The following CEP112 variants were observed in gnomAD, a reference collection of about 807,000 sequenced individuals.
CEP112 encodes centrosomal protein 112.
CEP112 carries 127 observed loss-of-function variants against 153.0 expected under a neutral mutation model. The observed-to-expected ratio is 0.83, with a 90% CI of 0.72 to 0.96. CEP112 has a LOEUF of 0.96. Ranked by LOEUF, CEP112 falls within the 40% of genes least tolerant of loss-of-function variation. The probability of loss-of-function intolerance (pLI) is 0.00; values close to 1 mark genes in which losing one functional copy is unlikely to be tolerated. For synonymous variants in CEP112, 358 were observed against 374.4 expected (o/e 0.96, Z 0.51); for missense variants, 1,089 against 1,101.2 (o/e 0.99, Z 0.16).
intron 20 of CEP112, chr17:65,872,944 A>G (rs2058710614): frequency 6.6e-6 from 1 of 152,200 alleles, no homozygotes; most frequent in African/African-American, 2.4e-5. Context: ...TACTAGTTGC[A>G]TGTTGTACTT....
chr17:66,126,313 AAAAT>A (rs1305060096), intron 6 of CEP112, among the ~76,000 whole-genome samples: 5 of 152,234 alleles, frequency 3.3e-5, no homozygotes, highest in Non-Finnish European at 5.9e-5. Flanking sequence ...CATTAATCGC[AAAAT>A]AAATAGAATC....
chr17:65,671,544 T>C (rs1301314195), intron 24 of CEP112, among the ~76,000 whole-genome samples: 8 of 152,170 alleles, frequency 5.3e-5, no homozygotes, highest in Admixed American at 1.3e-4. Context: ...ATCTTCTATG[T>C]GGTGAAAGTT....
At chr17:66,106,362 A>C (rs898403592) in intron 6 of CEP112, among the ~76,000 whole-genome samples, 1 of 152,056 alleles carries the variant, frequency 6.6e-6, no homozygotes, top group African/African-American at 2.4e-5. Context: ...ACAAAACAAA[A>C]AGTTTCTTCA....
At chr17:66,092,102 T>C (rs2068157182) in intron 8 of CEP112, among the ~76,000 whole-genome samples, 3 of 150,800 alleles carry the variant, frequency 2.0e-5, no homozygotes, top group African/African-American at 7.3e-5. Context: ...AGTGCAGTAG[T>C]GCGATCTTCT....
At chr17:65,874,877 C>A (rs116510701) in intron 20 of CEP112, among the ~76,000 whole-genome samples, 163 of 152,118 alleles carry the variant, frequency 1.1e-3, no homozygotes, top group African/African-American at 3.9e-3. Flanking sequence ...TTCTTTACAT[C>A]GTAATCAAAA....
intron 1 of CEP112, among the ~76,000 whole-genome samples, chr17:66,190,153 AC>A (rs976207405): frequency 6.6e-6 from 1 of 151,998 alleles, no homozygotes; most frequent in Non-Finnish European, 1.5e-5. Context: ...AATTAAAAAC[AC>A]AAAAATTAGC....
chr17:65,994,970 T>C (rs1376511425), intron 17 of CEP112, among the ~76,000 whole-genome samples: 3 of 152,210 alleles, frequency 2.0e-5, no homozygotes, highest in Middle Eastern at 3.4e-3. Context: ...ATCTTTCATG[T>C]GCCCCTTCGG....
intron 4 of CEP112, among the ~76,000 whole-genome samples, chr17:66,141,760 T>C (rs1215841523): frequency 6.6e-6 from 1 of 152,204 alleles, no homozygotes; most frequent in African/African-American, 2.4e-5. Flanking sequence ...GTATATACCA[T>C]ATTTTGTTAA....
intron 19 of CEP112, among the ~76,000 whole-genome samples, chr17:65,904,295 C>A (rs2059988635): frequency 6.6e-6 from 1 of 152,120 alleles, no homozygotes; most frequent in Non-Finnish European, 1.5e-5. Context: ...ACAAGCATTC[C>A]TGTACACCAA....
chr17:66,185,068 T>C (rs902573231), intron 1 of CEP112, among the ~76,000 whole-genome samples: 2 of 152,156 alleles, frequency 1.3e-5, no homozygotes, highest in African/African-American at 2.4e-5. Flanking sequence ...CTCATGGGGA[T>C]AGCAGTGGGG....
chr17:65,658,498 G>A (rs2143771457), intron 24 of CEP112, among the ~76,000 whole-genome samples: 1 of 152,370 alleles, frequency 6.6e-6, no homozygotes, highest in Non-Finnish European at 1.5e-5. Flanking sequence ...TGATGTTCCT[G>A]CAGAGACAAG....
intron 18 of CEP112, among the ~76,000 whole-genome samples, chr17:65,959,581 A>T (rs1049167475): frequency 6.6e-6 from 1 of 152,236 alleles, no homozygotes; most frequent in Admixed American, 6.5e-5. Context: ...AGCCAGGGCT[A>T]TGACTTCCTC....
chr17:65,980,666 A>G (rs2063194554), intron 17 of CEP112, among the ~76,000 whole-genome samples: 1 of 152,082 alleles, frequency 6.6e-6, no homozygotes, highest in Admixed American at 6.6e-5. Context: ...TTGATCATAT[A>G]CTCTGTTACC....
Position 66,045,692 on chromosome 17 carries a change from TG to T in CEP112, c.1218+8043del, listed in dbSNP as rs573002636. ...AGTTATAAATATGCAGACAGATGTG[TG>T]CTCATATATGTACTTGTGTATGTTC... On this transcript the variant is annotated intron_variant, in intron 12 of 26. Transcript: ENST00000535342. Among the ~76,000 whole-genome samples the T allele has an allele frequency of 3.2e-4, 48 of 152,340 alleles. No individual in the cohort carries two copies. In the East Asian group the frequency reaches 8.9e-3, roughly 28 times the overall value.
chr17:65,982,463 GACA>G (rs919849847), intron 17 of CEP112, among the ~76,000 whole-genome samples: 2 of 152,182 alleles, frequency 1.3e-5, no homozygotes, highest in Non-Finnish European at 2.9e-5. Context: ...ATGATTATCA[GACA>G]ACATTTCAAC....
At chr17:65,835,364 A>T (rs1289052675) in intron 21 of CEP112, among the ~76,000 whole-genome samples, 1 of 152,166 alleles carries the variant, frequency 6.6e-6, no homozygotes, top group Non-Finnish European at 1.5e-5. Context: ...GAAGTAATCA[A>T]TCAAATTTAA....
chr17:65,920,363 ATAT>A (rs1568229728), intron 19 of CEP112, among the ~76,000 whole-genome samples: 3 of 3,836 alleles, frequency 7.8e-4, no homozygotes, highest in African/African-American at 2.1e-3. Flanking sequence ...AACAAACAAA[ATAT>A]ATATATATAT....
chr17:65,931,671 T>C (rs2061129393), intron 18 of CEP112, among the ~76,000 whole-genome samples: 1 of 152,216 alleles, frequency 6.6e-6, no homozygotes, highest in African/African-American at 2.4e-5. Context: ...GAAGCACAGT[T>C]GACAGATCTG....
chr17:65,686,467 T>C (rs1460589691), intron 24 of CEP112, among the ~76,000 whole-genome samples: 1 of 152,266 alleles, frequency 6.6e-6, no homozygotes, highest in Non-Finnish European at 1.5e-5. Flanking sequence ...ATTAAATTGA[T>C]GTCAACAAAA....
Sources: allele counts gnomAD v4.1 joint callset (sites outside exome capture counted in the v4.1 genomes callset), GRCh38; gene constraint gnomAD v4.1.1; transcripts MANE v1.5; gene names NCBI Gene and HGNC (gene_info 2026-07-23, HGNC 2026-07-21).